Variants in RBM14 observed in about 807,000 individuals in gnomAD.
RBM14 encodes RNA binding motif protein 14.
A neutral mutation model predicts 52.8 loss-of-function variants in RBM14; 5 were observed. The ratio of observed to expected loss-of-function variants is 0.09; its 90% CI spans 0.05 to 0.20. RBM14 has a LOEUF of 0.20. RBM14 is among the 10% of genes least tolerant of loss of function. The pLI is 1.00. For synonymous variants in RBM14, 411 were observed against 401.8 expected, an observed-to-expected ratio of 1.02 and a Z score of -0.28; for missense variants, 780 against 926.6, an observed-to-expected ratio of 0.84 and a Z score of 2.05.
At chr11:66,617,788 T>G (rs1858908458) in intron 1 of RBM14, among the ~76,000 whole-genome samples, 2 of 152,244 alleles carry the variant, frequency 1.3e-5, no homozygotes, top group Admixed American at 1.3e-4. Context: ...CTTTTGCATG[T>G]GCAAGAAAGC....
intron 1 of RBM14, among the ~76,000 whole-genome samples, chr11:66,617,746 C>T (rs7937323): frequency 4.2e-4 from 64 of 152,334 alleles, no homozygotes; most frequent in African/African-American, 1.4e-3. Context: ...TCTTTGGGCT[C>T]GATTTTACAT....
rs1175173819 is a variant in RBM14, at chr11:66,616,765, G to A, written c.45G>A (p.Pro15=). Residue 15 remains proline, a synonymous_variant, in exon 1 of 3, where the codon CCG becomes CCA. Coordinates refer to ENST00000310137, the MANE Select transcript of RBM14 (RefSeq NM_006328.4). ...VGNVDGADTT[P]EELAALFAPY... Reference sequence around the variant, plus strand: ...ACGTCGACGGGGCGGATACGACTCCGGAGGAGCTGGCAGCCCTCTTTGCGC... The same window carrying A: ...ACGTCGACGGGGCGGATACGACTCCAGAGGAGCTGGCAGCCCTCTTTGCGC... 1.2e-6 allele frequency: 2 copies of A among 1,604,324 alleles called. No individual in the cohort carries two copies. The highest frequency in any genetic ancestry group is 1.7e-5 in the Admixed American group (1 of 59,458).
In RBM14 at chr11:66,628,386, T is replaced by C. The variant is rs1002543121; in HGVS notation, c.*1718T>C. On this transcript the variant is annotated 3_prime_UTR_variant, in exon 3 of 3. Coordinates refer to ENST00000310137, the MANE Select transcript of RBM14 (RefSeq NM_006328.4). ...TCAAGTGGAGGTCAGGTGGGTTATC[T>C]TCTGCCTCCTTCACTGGCTTCATGT... is the stretch of plus-strand genomic sequence containing the variant. Among the ~76,000 whole-genome samples, 3 of 152,208 alleles carry C rather than the reference T, an allele frequency of 2.0e-5. No homozygotes were observed. The highest frequency in any genetic ancestry group is 7.2e-5 in the African/African-American group (3 of 41,460).
intron 1 of RBM14, chr11:66,617,280 G>A: frequency 7.4e-7 from 1 of 1,350,862 alleles, no homozygotes; most frequent in Non-Finnish European, 9.5e-7. Flanking sequence ...TGGGTGCGGC[G>A]GCCACTGCGA....
intron 1 of RBM14, chr11:66,617,288 C>G (rs1214587070): frequency 7.5e-7 from 1 of 1,327,316 alleles, no homozygotes; most frequent in Non-Finnish European, 9.6e-7. Flanking sequence ...GCGGCCACTG[C>G]GAGCCAAGCT....
At chr11:66,618,287 T>G (rs187876047) in intron 1 of RBM14, among the ~76,000 whole-genome samples, 1 of 152,198 alleles carries the variant, frequency 6.6e-6, no homozygotes, top group Non-Finnish European at 1.5e-5. Flanking sequence ...GCTCATACCC[T>G]GTGTGAGAAG....
intron 1 of RBM14, among the ~76,000 whole-genome samples, chr11:66,621,399 G>C (rs997913260): frequency 2.0e-5 from 3 of 151,266 alleles, no homozygotes; most frequent in African/African-American, 7.3e-5. Context: ...TTTTTTGAGA[G>C]GGAGTTTCAT....
intron 1 of RBM14, chr11:66,618,419 T>C (rs1858947595): frequency 4.3e-6 from 3 of 696,928 alleles, no homozygotes; most frequent in Non-Finnish European, 8.1e-6. Context: ...GGGGGAAATA[T>C]AAAGGGTCAT....
Position 66,624,896 on chromosome 11 carries a change from C to G in RBM14, c.1020C>G (p.Ser340=), listed in dbSNP as rs778092516. 6.2e-7 allele frequency: 1 copy of G among 1,613,750 alleles called. No homozygotes were observed. The change falls in exon 2 of 3, where the codon TCC becomes TCG. Residue 340 remains serine (S), a synonymous_variant. Coordinates refer to ENST00000310137, the MANE Select transcript of RBM14 (RefSeq NM_006328.4). The surrounding 1 kb of genome is among the most constrained non-coding windows in gnomAD (Gnocchi z 4.7). ...GGGCTCAGGGTTCCTCCCTTGCCTCCTATGGTAACCAGCCATCCTCTTACG... is the reference window on the plus strand; with the variant it reads ...GGGCTCAGGGTTCCTCCCTTGCCTCGTATGGTAACCAGCCATCCTCTTACG... ...SYGAQGSSLA[S]YGNQPSSYGA...
At chr11:66,623,838 A>C in intron 1 of RBM14, 7 of 714,618 alleles carry the variant, frequency 9.8e-6, no homozygotes, top group Middle Eastern at 2.3e-4. Context: ...GGTTGAGAAC[A>C]CTGAAGAACT....
chr11:66,621,361 G>A (rs1859101832), intron 1 of RBM14, among the ~76,000 whole-genome samples: 1 of 151,976 alleles, frequency 6.6e-6, no homozygotes, highest in Non-Finnish European at 1.5e-5. Context: ...TGAGGACAGA[G>A]TTGTGATAAT....
At position 66,625,475 on chromosome 11, in the gene RBM14, T is replaced by C. The variant is rs777211834; in HGVS notation, c.1599T>C (p.His533=). The C allele has an allele frequency of 3.7e-6, 6 of 1,612,878 alleles. No homozygotes were observed. Among genetic ancestry groups the C allele is most frequent in the African/African-American group, 1.3e-5 (1 of 74,800 alleles). The part of the protein sequence containing the change: ...SLAASYAAQQ[H]PQAAASYRGQ... ...CTGCTTCCTATGCTGCCCAGCAGCA[T>C]CCCCAGGCTGCTGCCTCCTACCGCG... Residue 533 remains histidine (H), a synonymous_variant, in exon 2 of 3, where the codon CAT becomes CAC. Transcript: ENST00000310137. The surrounding 1 kb of genome is among the most constrained non-coding windows in gnomAD (Gnocchi z 4.2).
In RBM14 at chr11:66,626,530, C is replaced by A; in HGVS notation, c.1872C>A (p.Phe624Leu). The A allele has an allele frequency of 6.2e-7, 1 of 1,613,996 alleles. No homozygotes were observed. Among genetic ancestry groups the A allele is most frequent in the East Asian group, 2.2e-5 (1 of 44,882 alleles). ...YRRLSESQLSFRRSPTKSSLD... is the reference protein window; with the variant it reads ...YRRLSESQLSLRRSPTKSSLD... ...GTTTATCAGAGTCGCAGCTTTCGTT[C>A]CGCCGCTCGCCGACAAAGTCCTCGC... Residue 624 changes from phenylalanine to leucine, a missense_variant, in exon 3 of 3, where the codon TTC (phenylalanine) becomes TTA (leucine). By Grantham distance (22) the Phe-to-Leu change is conservative. Coordinates refer to ENST00000310137, the MANE Select transcript of RBM14 (RefSeq NM_006328.4).
In RBM14 at chr11:66,628,432, A is replaced by G. The variant is rs557217917; in HGVS notation, c.*1764A>G. The stretch of plus-strand genomic sequence containing the variant: ...CATGTGAACTTGCCTGTGACAGAAT[A>G]TCTTGCCCTAGATGTCCTCTTCCCT... On this transcript the variant is annotated 3_prime_UTR_variant, in exon 3 of 3. Coordinates refer to ENST00000310137, the MANE Select transcript of RBM14 (RefSeq NM_006328.4). 6.6e-6 allele frequency among the ~76,000 whole-genome samples: 1 copy of G among 152,156 alleles called. No individual in the cohort carries two copies. The highest frequency in any genetic ancestry group is 1.5e-5 in the Non-Finnish European group (1 of 68,030).
chr11:66,617,343 G>T, intron 1 of RBM14: 1 of 1,257,160 alleles, frequency 8.0e-7, no homozygotes, highest in Non-Finnish European at 1.0e-6. Context: ...TGTTCCGGGG[G>T]CGCGCCTTCT....
chr11:66,627,691 A>T lies in RBM14; in HGVS notation c.*1023A>T, dbSNP rs1428488920. ...CAGGAATAACCTGTGTTCCAATGGGATGGTTCTGGGGTTTGGCCTCTTAGG... is the reference window on the plus strand; with the variant it reads ...CAGGAATAACCTGTGTTCCAATGGGTTGGTTCTGGGGTTTGGCCTCTTAGG... On this transcript the variant is annotated 3_prime_UTR_variant, in exon 3 of 3. Coordinates refer to ENST00000310137, the MANE Select transcript of RBM14 (RefSeq NM_006328.4). Among the ~76,000 whole-genome samples, 2 of 152,042 alleles carry T rather than the reference A, an allele frequency of 1.3e-5. No individual in the cohort carries two copies. Among genetic ancestry groups the T allele is most frequent in the East Asian group, 1.9e-4 (1 of 5,192 alleles).
At chr11:66,619,724 A>G (rs375498560) in intron 1 of RBM14, among the ~76,000 whole-genome samples, 7,631 of 151,298 alleles carry the variant, frequency 0.05, 197 homozygotes, top group Middle Eastern at 0.092. Context: ...CCGCCACCAC[A>G]CCCAGCTAAT....
rs914100843 is a variant in RBM14, at chr11:66,625,831, A to G, written c.1802+153A>G. On this transcript the variant is annotated intron_variant, in intron 2 of 2. Coordinates refer to ENST00000310137, the MANE Select transcript of RBM14 (RefSeq NM_006328.4). The surrounding 1 kb of genome is among the most constrained non-coding windows in gnomAD (Gnocchi z 4.2). ...CCAGAGGCCGAGGGGAGCAGTGTCT[A>G]TGAACTTTCCTGGTCACCAGGGTTC... The G allele has an allele frequency of 5.1e-4, 333 of 653,204 alleles. 1 individual carries two copies. The highest frequency in any genetic ancestry group is 1.8e-4 in the Non-Finnish European group (70 of 389,838). The allele number at this position is 653,204 out of a possible 1,614,324, so 40.5% of individuals were successfully genotyped here.
chr11:66,624,498 CCCTTCT>C lies in RBM14; in HGVS notation c.623_628del (p.Pro208_Phe210delinsLeu). Reference sequence around the variant, plus strand: ...TGGGCAAGCCCGTCAGCCCACACCACCCTTCTTTGGTCGCGACCGCAGCCCTCTGCG... The same window carrying C: ...TGGGCAAGCCCGTCAGCCCACACCACTTGGTCGCGACCGCAGCCCTCTGCG... On this transcript the variant is annotated inframe_deletion, in exon 2 of 3. Transcript: ENST00000310137. The surrounding 1 kb of genome is among the most constrained non-coding windows in gnomAD (Gnocchi z 4.7). 6.2e-7 allele frequency: 1 copy of C among 1,612,966 alleles called. No individual in the cohort carries two copies. Among genetic ancestry groups the C allele is most frequent in the Non-Finnish European group, 8.5e-7 (1 of 1,179,062 alleles).
Sources: allele counts gnomAD v4.1 joint callset (sites outside exome capture counted in the v4.1 genomes callset), GRCh38; gene constraint gnomAD v4.1.1; non-coding constraint Gnocchi (gnomAD v3.1); transcripts MANE v1.5; gene names NCBI Gene and HGNC (gene_info 2026-07-23, HGNC 2026-07-21).